The following RANBP2 variants were observed in gnomAD, a reference collection of about 807,000 sequenced individuals.
RANBP2 encodes E3 SUMO-protein ligase RanBP2.
In RANBP2, 57 loss-of-function variants were observed where a neutral mutation model predicts 303.6. The ratio of observed to expected loss-of-function variants is 0.19; its 90% CI spans 0.15 to 0.23. The LOEUF (loss-of-function observed/expected upper bound fraction) is 0.23, where lower values mean the gene tolerates loss of function less well. Among genes scored for constraint, RANBP2 ranks in the 10% least tolerant of loss-of-function variants. The pLI, the probability that RANBP2 is intolerant of heterozygous loss-of-function variation, is 1.00. For synonymous variants in RANBP2, 1,167 were observed against 1,301.5 expected (o/e 0.90, Z 2.23); for missense variants, 3,138 against 3,780.8 (o/e 0.83, Z 4.46).
At chr2:109,066,285 T>A in the RANBP2 span, among the ~76,000 whole-genome samples, 1 of 152,130 alleles carries the variant, frequency 6.6e-6, no homozygotes, top group African/African-American at 2.4e-5. Context: ...ATTTTTGTAT[T>A]TTTAGTAGAT....
chr2:108,890,307 T>C, the RANBP2 span, among the ~76,000 whole-genome samples: 1 of 150,276 alleles, frequency 6.7e-6, no homozygotes, highest in African/African-American at 2.5e-5. Flanking sequence ...TGCAGTGGCA[T>C]GATATGGGCT....
the RANBP2 span, among the ~76,000 whole-genome samples, chr2:109,454,799 C>T: frequency 1.3e-5 from 2 of 152,206 alleles, no homozygotes; most frequent in African/African-American, 4.8e-5. Flanking sequence ...ATCTCGAAGC[C>T]TTAGGTCGAC....
the RANBP2 span, among the ~76,000 whole-genome samples, chr2:109,583,117 GAAAAGAATTTAC>G: frequency 6.6e-6 from 1 of 152,112 alleles, no homozygotes; most frequent in South Asian, 2.1e-4. Context: ...ATTGGCCTTG[GAAAAGAATTTAC>G]GATTAAGTCC....
At chr2:108,997,753 T>C in the RANBP2 span, among the ~76,000 whole-genome samples, 1 of 152,004 alleles carries the variant, frequency 6.6e-6, no homozygotes, top group African/African-American at 2.4e-5. Flanking sequence ...TAGCCGGGCA[T>C]GGTGGCAGGC....
At chr2:109,324,109 A>G in the RANBP2 span, among the ~76,000 whole-genome samples, 2 of 152,200 alleles carry the variant, frequency 1.3e-5, no homozygotes, top group Non-Finnish European at 2.9e-5. Flanking sequence ...AATATTTTCA[A>G]GGTTCGTCTT....
the RANBP2 span, among the ~76,000 whole-genome samples, chr2:109,178,968 T>A: frequency 6.6e-6 from 1 of 151,838 alleles, no homozygotes; most frequent in Non-Finnish European, 1.5e-5. Flanking sequence ...GTGAAGGTTT[T>A]GGGGGAAATA....
At chr2:108,827,826 A>G in the RANBP2 span, among the ~76,000 whole-genome samples, 73 of 152,000 alleles carry the variant, frequency 4.8e-4, 1 homozygote, top group Non-Finnish European at 1.8e-4. Flanking sequence ...AAAAAAAAAA[A>G]AAAAAATTAA....
At chr2:109,460,426 G>A in the RANBP2 span, among the ~76,000 whole-genome samples, 7 of 152,310 alleles carry the variant, frequency 4.6e-5, no homozygotes, top group South Asian at 1.4e-3. Flanking sequence ...GGACACAGTG[G>A]TAGTCGTAGC....
At chr2:108,893,661 C>A in the RANBP2 span, among the ~76,000 whole-genome samples, 2 of 151,670 alleles carry the variant, frequency 1.3e-5, no homozygotes, top group Non-Finnish European at 2.9e-5. Context: ...CTGCATAAAT[C>A]ACTGATAACA....
the RANBP2 span, among the ~76,000 whole-genome samples, chr2:108,858,947 T>C: frequency 2.0e-5 from 3 of 152,224 alleles, no homozygotes; most frequent in Non-Finnish European, 4.4e-5. Context: ...TGATTCCACA[T>C]CTTTGCTATT....
the RANBP2 span, among the ~76,000 whole-genome samples, chr2:109,523,544 G>A: frequency 6.6e-6 from 1 of 151,812 alleles, no homozygotes; most frequent in Non-Finnish European, 1.5e-5. Context: ...TGTAGAATGG[G>A]TAGGTGCCCC....
the RANBP2 span, among the ~76,000 whole-genome samples, chr2:109,599,012 T>C: frequency 9.2e-4 from 140 of 152,294 alleles, no homozygotes; most frequent in African/African-American, 3.3e-3. Context: ...TTTTATAACA[T>C]CTTCAGGTTA....
chr2:108,737,989 C>T (rs1225675617), intron 6 of RANBP2, among the ~76,000 whole-genome samples: 1 of 151,108 alleles, frequency 6.6e-6, no homozygotes, highest in Non-Finnish European at 1.5e-5. Flanking sequence ...GTTGGGATTA[C>T]AGGCGTGAGC....
At chr2:109,495,638 T>C in the RANBP2 span, among the ~76,000 whole-genome samples, 1 of 151,800 alleles carries the variant, frequency 6.6e-6, no homozygotes, top group Non-Finnish European at 1.5e-5. Context: ...ATTACAGGCG[T>C]CCACTGACAT....
At chr2:109,380,565 G>A in the RANBP2 span, among the ~76,000 whole-genome samples, 1 of 152,228 alleles carries the variant, frequency 6.6e-6, no homozygotes, top group South Asian at 2.1e-4. Context: ...GTAAGTTTTT[G>A]TGAAGCCCCT....
At chr2:109,485,879 C>T in the RANBP2 span, among the ~76,000 whole-genome samples, 1 of 152,258 alleles carries the variant, frequency 6.6e-6, no homozygotes, top group Admixed American at 6.5e-5. Context: ...CGCAAGCCTC[C>T]AGTCCCTGGC....
At chr2:108,927,824 T>C in the RANBP2 span, among the ~76,000 whole-genome samples, 1 of 152,138 alleles carries the variant, frequency 6.6e-6, no homozygotes, top group African/African-American at 2.4e-5. Context: ...AGCACCCTCT[T>C]GCTCCTGTCT....
chr2:109,111,930 A>G, the RANBP2 span, among the ~76,000 whole-genome samples: 2 of 151,552 alleles, frequency 1.3e-5, no homozygotes, highest in Non-Finnish European at 2.9e-5. Flanking sequence ...ATGATTTCCA[A>G]TTTCATCCAT....
the RANBP2 span, among the ~76,000 whole-genome samples, chr2:109,366,835 A>G: frequency 6.6e-6 from 1 of 152,398 alleles, no homozygotes; most frequent in South Asian, 2.1e-4. Flanking sequence ...CCTGGGCAAC[A>G]GAGCAAGACC....
Sources: gnomAD v4.1 joint callset for allele counts (sites outside exome capture counted in the v4.1 genomes callset) on GRCh38, gnomAD v4.1.1 for gene constraint, MANE v1.5 for transcripts, NCBI Gene and HGNC (gene_info 2026-07-23, HGNC 2026-07-21) for gene names.